SDK1: variants seen among roughly 807,000 people sequenced by gnomAD.
The protein encoded by SDK1 is protein sidekick-1.
Under a neutral mutation model 245.5 loss-of-function variants are expected in SDK1, and 157 were observed. The observed-to-expected ratio is 0.64, with a 90% CI of 0.56 to 0.73. SDK1 has a LOEUF of 0.73. Among genes scored for constraint, SDK1 ranks in the 30% least tolerant of loss-of-function variants. SDK1 has a pLI of 0.00. For synonymous variants in SDK1, 1,647 were observed against 1,278.5 expected (o/e 1.29, Z -6.15); for missense variants, 3,583 against 3,002.3 (o/e 1.19, Z -4.52).
At chr7:3,711,870 C>T (rs188960207) in intron 4 of SDK1, among the ~76,000 whole-genome samples, 1 of 152,252 alleles carries the variant, frequency 6.6e-6, no homozygotes, top group Non-Finnish European at 1.5e-5. Flanking sequence ...GGGAGGAGCC[C>T]TGCCATGGTA....
In SDK1 at chr7:4,148,315, ATAAACAAT is replaced by A. The variant is rs572149312; in HGVS notation, c.4424-936_4424-929del. 3.8e-3 allele frequency among the ~76,000 whole-genome samples: 577 copies of A among 152,344 alleles called. 6 individuals carry two copies. Among genetic ancestry groups the A allele is most frequent in the African/African-American group, 0.013 (553 of 41,578 alleles). On this transcript the variant is annotated intron_variant, in intron 29 of 44. Coordinates refer to ENST00000404826, the MANE Select transcript of SDK1 (RefSeq NM_152744.4). ...CTAATCAGAATCAATAATCTTCATG[ATAAACAAT>A]TAAACAATTATTCCTTCCGCCGCGG... is the stretch of plus-strand genomic sequence containing the variant.
chr7:3,906,503 A>C (rs919054402), intron 5 of SDK1, among the ~76,000 whole-genome samples: 17 of 151,930 alleles, frequency 1.1e-4, no homozygotes, highest in African/African-American at 3.9e-4. Flanking sequence ...CTTACCATCA[A>C]ATGGTTTCAC....
chr7:3,728,177 C>A (rs1779071177), intron 4 of SDK1, among the ~76,000 whole-genome samples: 1 of 152,232 alleles, frequency 6.6e-6, no homozygotes, highest in Non-Finnish European at 1.5e-5. Context: ...ACTGTTGATG[C>A]TGAACTTGAT....
intron 19 of SDK1, among the ~76,000 whole-genome samples, chr7:4,054,349 G>A (rs909955905): frequency 2.0e-5 from 3 of 152,180 alleles, no homozygotes; most frequent in Non-Finnish European, 2.9e-5. Context: ...TGACATTTGC[G>A]AAACTATAGT....
At chr7:3,447,609 T>G (rs1437801632) in intron 1 of SDK1, among the ~76,000 whole-genome samples, 1 of 152,100 alleles carries the variant, frequency 6.6e-6, no homozygotes, top group Non-Finnish European at 1.5e-5. Context: ...AGTTATTGCA[T>G]ATTGATGTAC....
chr7:3,339,935 A>G (rs1780302271), intron 1 of SDK1, among the ~76,000 whole-genome samples: 1 of 152,102 alleles, frequency 6.6e-6, no homozygotes, highest in African/African-American at 2.4e-5. Flanking sequence ...TGAAAAGATC[A>G]ATGAAATTTA....
At chr7:3,893,731 C>T (rs973268010) in intron 5 of SDK1, among the ~76,000 whole-genome samples, 2 of 151,362 alleles carry the variant, frequency 1.3e-5, no homozygotes, top group African/African-American at 4.9e-5. Flanking sequence ...CATTCAGGAT[C>T]TGCCCAGGGT....
chr7:3,827,890 G>A (rs190178937), intron 5 of SDK1, among the ~76,000 whole-genome samples: 5 of 152,252 alleles, frequency 3.3e-5, no homozygotes, highest in Admixed American at 6.5e-5. Context: ...AATTGGACTC[G>A]TTATGAGTAA....
At chr7:3,500,656 A>C (rs1782168641) in intron 1 of SDK1, among the ~76,000 whole-genome samples, 1 of 151,956 alleles carries the variant, frequency 6.6e-6, no homozygotes, top group African/African-American at 2.4e-5. Context: ...CTCGGTACTC[A>C]GTGGATTCTT....
At chr7:3,555,184 A>G (rs1779548634) in intron 1 of SDK1, among the ~76,000 whole-genome samples, 1 of 152,200 alleles carries the variant, frequency 6.6e-6, no homozygotes. Flanking sequence ...TTGAAGTTAT[A>G]CTACAGAGCT....
At chr7:3,776,866 C>T (rs1780579791) in intron 4 of SDK1, among the ~76,000 whole-genome samples, 1 of 152,024 alleles carries the variant, frequency 6.6e-6, no homozygotes, top group Non-Finnish European at 1.5e-5. Context: ...TGCATAACCA[C>T]CATATAGTGA....
In SDK1 at chr7:4,017,289, G is replaced by T. The variant is rs762539098; in HGVS notation, c.2539G>T (p.Ala847Ser). 2.5e-5 allele frequency: 40 copies of T among 1,613,930 alleles called. No individual in the cohort carries two copies. The highest frequency in any genetic ancestry group is 1.9e-5 in the Non-Finnish European group (22 of 1,179,958). Residue 847 changes from alanine (A) to serine (S), a missense_variant, in exon 17 of 45, where the codon GCG becomes TCG. Transcript: ENST00000404826. ...IWTQYEIQVA[A>S]YNGAGLGVFS... ...GACACAGTATGAGATACAGGTGGCG[G>T]CGTACAACGGGGCCGGTCTGGGCGT...
chr7:3,386,898 T>A (rs2128568679), intron 1 of SDK1, among the ~76,000 whole-genome samples: 1 of 152,306 alleles, frequency 6.6e-6, no homozygotes, highest in Middle Eastern at 3.4e-3. Flanking sequence ...TTTAAAGACA[T>A]CTTTACTGAA....
intron 44 of SDK1, among the ~76,000 whole-genome samples, chr7:4,252,105 G>A (rs909587676): frequency 1.3e-4 from 20 of 151,962 alleles, no homozygotes; most frequent in Middle Eastern, 3.2e-3. Context: ...TGTGCACAAC[G>A]TGCAGGTTTG....
At chr7:3,335,659 T>C (rs1267934217) in intron 1 of SDK1, among the ~76,000 whole-genome samples, 2 of 152,086 alleles carry the variant, frequency 1.3e-5, no homozygotes, top group Non-Finnish European at 2.9e-5. Flanking sequence ...ATGGGACTGA[T>C]CACTACTGCC....
chr7:3,682,596 T>C (rs1393376924), intron 4 of SDK1, among the ~76,000 whole-genome samples: 1 of 8,238 alleles, frequency 1.2e-4, no homozygotes, highest in Admixed American at 8.9e-4. Context: ...GGCCTCTCCT[T>C]CCTGTGTTCT....
chr7:3,534,480 G>A (rs1347154930), intron 1 of SDK1, among the ~76,000 whole-genome samples: 1 of 152,014 alleles, frequency 6.6e-6, no homozygotes, highest in Non-Finnish European at 1.5e-5. Flanking sequence ...CATAACGGTT[G>A]TACAGTTTTG....
intron 12 of SDK1, among the ~76,000 whole-genome samples, chr7:3,972,000 A>C (rs760017875): frequency 1.3e-5 from 2 of 151,584 alleles, no homozygotes; most frequent in African/African-American, 2.4e-5. Context: ...AGTCCTGTGC[A>C]TGGGACAAAG....
At chr7:3,947,638 C>A (rs566477734) in intron 5 of SDK1, among the ~76,000 whole-genome samples, 196 of 149,712 alleles carry the variant, frequency 1.3e-3, no homozygotes, top group Non-Finnish European at 1.9e-3. Flanking sequence ...ATATGTGTAT[C>A]TATATCTGTT....
Sources: gnomAD v4.1 joint callset for allele counts (sites outside exome capture counted in the v4.1 genomes callset) on GRCh38, gnomAD v4.1.1 for gene constraint, MANE v1.5 for transcripts, NCBI Gene and HGNC (gene_info 2026-07-23, HGNC 2026-07-21) for gene names.